TLE3: variants seen among roughly 807,000 people sequenced by gnomAD.
TLE3 encodes the protein transducin-like enhancer protein 3.
Under a neutral mutation model 93.0 loss-of-function variants are expected in TLE3, and 14 were observed. The ratio of observed to expected loss-of-function variants is 0.15; its 90% confidence interval spans 0.10 to 0.24. The LOEUF (loss-of-function observed/expected upper bound fraction) is 0.24, where lower values mean the gene tolerates loss of function less well. TLE3 is among the 10% of genes least tolerant of loss of function. The probability of loss-of-function intolerance (pLI) is 1.00; values close to 1 mark genes in which losing one functional copy is unlikely to be tolerated. For missense variants in TLE3, 693 were observed against 1,046.6 expected (o/e 0.66, Z 4.66); for synonymous variants, 451 against 425.0 (o/e 1.06, Z -0.75).
chr15:70,053,109 C>T, intron 17 of TLE3, 118 bp downstream of exon 17: 1 of 1,368,550 alleles, frequency 7.3e-7, no homozygotes, highest in Non-Finnish European at 9.8e-7. Context: ...AGGTTGGTCC[C>T]AAGTCTCTTG....
At position 70,071,909 on chromosome 15, in the gene TLE3, C is replaced by A. The variant is rs115994420; in HGVS notation, c.372+2624G>T. 8.9e-3 allele frequency among the ~76,000 whole-genome samples: 1,360 copies of A among 152,332 alleles called. 18 individuals are homozygous for A. The highest frequency in any genetic ancestry group is 0.031 in the African/African-American group (1,303 of 41,570). ...CAGAGGCAGCTCAGCTGCAGGCTCG[C>A]TCTCTGCTCTCCTCGAGGAGGAGAT... On this transcript the variant is annotated intron_variant, in intron 6 of 19. Transcript: ENST00000451782.
At chr15:70,079,612 C>A in intron 4 of TLE3, 2 of 345,120 alleles carry the variant, frequency 5.8e-6, no homozygotes, top group Non-Finnish European at 5.7e-6. Flanking sequence ...GAATGGGCTG[C>A]GTGCACTCTG....
intron 3 of TLE3, chr15:70,094,878 C>G (rs2058474247): frequency 3.0e-6 from 1 of 331,528 alleles, no homozygotes; most frequent in African/African-American, 2.1e-5. Flanking sequence ...AACAGGGAAT[C>G]GTGTGTACAC....
rs576376994 is a variant in TLE3 at position 70,096,043 on chromosome 15, C to T, written c.125+118G>A. 1.3e-4 allele frequency: 153 copies of T among 1,182,016 alleles called. No individual in the cohort carries two copies. The African/African-American group carries it at 2.2e-3, about 17-fold the overall frequency. The allele number at this position is 1,182,016 out of a possible 1,614,324, so 73.2% of individuals were successfully genotyped here. On this transcript the variant is annotated intron_variant, in intron 2 of 19. Transcript: ENST00000451782. ...AAAGGGGAAACAAAAGGCGGAGGCC[C>T]GGGCTGCCCCGCCGCCCCTAGGTCG...
intron 9 of TLE3, among the ~76,000 whole-genome samples, chr15:70,059,714 C>A (rs539718244): frequency 6.6e-6 from 1 of 152,340 alleles, no homozygotes; most frequent in East Asian, 1.9e-4. Context: ...CGCACTGACA[C>A]CCGCTCCATC....
intron 4 of TLE3, 60 bp from the exon 5 acceptor site, chr15:70,076,218 A>C: frequency 1.2e-4 from 182 of 1,551,308 alleles, no homozygotes; most frequent in Non-Finnish European, 1.5e-4. Context: ...CTGAAATGTC[A>C]TAGGCAAGTG....
chr15:70,079,444 C>A (rs758022155), intron 4 of TLE3: 2 of 434,720 alleles, frequency 4.6e-6, no homozygotes, highest in South Asian at 3.3e-5. Context: ...CCAACGTAAA[C>A]CCAGCCCCTC....
In TLE3 at chr15:70,074,521, G is replaced by A. The variant is rs776208749; in HGVS notation, c.372+12C>T. ...TACACACGGTAAGAGGCAGATTGGGGAGTCCACGTACCCCGATGATGGCGT... is the reference window on the plus strand; with the variant it reads ...TACACACGGTAAGAGGCAGATTGGGAAGTCCACGTACCCCGATGATGGCGT... On this transcript the variant is annotated intron_variant, in intron 6 of 19. Coordinates refer to ENST00000451782, the MANE Select transcript of TLE3 (RefSeq NM_001105192.3). 1.9e-6 allele frequency: 3 copies of A among 1,609,934 alleles called. No individual in the cohort carries two copies. Among genetic ancestry groups the A allele is most frequent in the Non-Finnish European group, 2.5e-6 (3 of 1,178,104 alleles).
Position 70,055,219 on chromosome 15 carries a change from T to G in TLE3, c.1408A>C (p.Ile470Leu). The G allele has an allele frequency of 1.2e-6, 2 of 1,613,498 alleles. No homozygotes were observed. Among genetic ancestry groups the G allele is most frequent in the Non-Finnish European group, 1.7e-6 (2 of 1,179,748 alleles). Residue 470 changes from isoleucine (I) to leucine (L), a missense_variant, in exon 15 of 20, where the codon ATC (isoleucine) becomes CTC (leucine). Physicochemically the swap from Ile to Leu is conservative, Grantham distance 5 (BLOSUM62 2). This residue lies in a region of TLE3 where 405 missense variants were observed against 468.9 expected (regional missense o/e 0.86). Transcript: ENST00000451782. ...FPHDALAGPG[I>L]PRHARQINTL... is the part of the protein sequence containing the mutation. ...TTGATCTGCCGGGCGTGCCTCGGGA[T>G]GCCGGGGCCTGCCAGGGCGTCGTGG...
At chr15:70,087,760 T>G (rs1196810671) in intron 4 of TLE3, among the ~76,000 whole-genome samples, 2 of 152,232 alleles carry the variant, frequency 1.3e-5, no homozygotes, top group Non-Finnish European at 2.9e-5. Flanking sequence ...CAGGACACAT[T>G]GGCAATGGGA....
At chr15:70,094,970 C>T (rs965879066) in intron 3 of TLE3, among the ~76,000 whole-genome samples, 3 of 152,208 alleles carry the variant, frequency 2.0e-5, no homozygotes, top group African/African-American at 4.8e-5. Context: ...GAGCCGTGCC[C>T]TCTCACAAAT....
chr15:70,056,352 G>A lies in TLE3; in HGVS notation c.1274C>T (p.Pro425Leu), dbSNP rs1304168924. 6 of 1,613,282 alleles carry A rather than the reference G, an allele frequency of 3.7e-6. No homozygotes were observed. The highest frequency in any genetic ancestry group is 5.1e-6 in the Non-Finnish European group (6 of 1,179,756). ...TGAGGGGAGGCCTGTGGCCCGCATC[G>A]GGGGGTGAGGGTCAAAACCAACCTG... The part of the protein sequence containing the change: ...FGAVGFDPHP[P>L]MRATGLPSSL... Residue 425 changes from proline (P) to leucine (L), a missense_variant, in exon 14 of 20, where the codon CCG (proline) becomes CTG (leucine). Pro to Leu is a moderately conservative substitution (Grantham distance 98). Transcript: ENST00000451782.
intron 4 of TLE3, among the ~76,000 whole-genome samples, chr15:70,078,394 CAAACAAAAAT>C (rs905749496): frequency 4.0e-5 from 6 of 149,930 alleles, no homozygotes; most frequent in African/African-American, 1.5e-4. Context: ...AAACAAAAAG[CAAACAAAAAT>C]AAACAAAAAA....
rs2055345941 is a variant in TLE3 at position 70,049,595 on chromosome 15, G to A, written c.*502C>T. ...GAAATACACACTCAGAGTTTCCGGT[G>A]GGAAGGGGCCTCCTCTCCCACTGAT... is the stretch of plus-strand genomic sequence containing the variant. On this transcript the variant is annotated 3_prime_UTR_variant, in exon 20 of 20. Coordinates refer to ENST00000451782, the MANE Select transcript of TLE3 (RefSeq NM_001105192.3). 6.6e-6 allele frequency: 1 copy of A among 151,628 alleles called. No individual in the cohort carries two copies. The highest frequency in any genetic ancestry group is 1.5e-5 in the Non-Finnish European group (1 of 68,104). 9.4% of individuals were successfully genotyped at this position (151,628 alleles called of 1,614,324 possible). A position where few individuals can be genotyped will look rare whatever the true frequency, so the allele number is the denominator to read the frequency against.
chr15:70,060,149 C>T (rs1399285207), intron 9 of TLE3, among the ~76,000 whole-genome samples: 2 of 152,216 alleles, frequency 1.3e-5, no homozygotes, highest in African/African-American at 4.8e-5. Flanking sequence ...TGAGTGCATG[C>T]CTCAGGCCAA....
intron 2 of TLE3, 35 bp downstream of exon 2, chr15:70,096,126 C>T: frequency 6.5e-7 from 1 of 1,538,788 alleles, no homozygotes; most frequent in Non-Finnish European, 8.8e-7. Flanking sequence ...CCCACCCCTC[C>T]CCGCCAGCCC....
At chr15:70,063,372 T>C (rs1485738273) in intron 8 of TLE3, among the ~76,000 whole-genome samples, 1 of 152,214 alleles carries the variant, frequency 6.6e-6, no homozygotes, top group East Asian at 1.9e-4. Context: ...CTCTCTTAGG[T>C]ACCTAGCCAT....
chr15:70,072,065 G>A (rs942118567), intron 6 of TLE3, among the ~76,000 whole-genome samples: 2 of 152,158 alleles, frequency 1.3e-5, no homozygotes, highest in Non-Finnish European at 2.9e-5. Context: ...GCGATTAGAC[G>A]GCTGCCTGCT....
At chr15:70,091,928 A>G (rs1264574479) in intron 4 of TLE3, among the ~76,000 whole-genome samples, 2 of 152,164 alleles carry the variant, frequency 1.3e-5, no homozygotes, top group African/African-American at 4.8e-5. Context: ...CCAAGGTGCT[A>G]GCTCTATAGA....
Sources: gnomAD v4.1 joint callset for allele counts (sites outside exome capture counted in the v4.1 genomes callset) on GRCh38, gnomAD v4.1.1 for gene constraint, gnomAD v4.1.1 regional missense constraint, MANE v1.5 for transcripts, NCBI Gene and HGNC (gene_info 2026-07-23, HGNC 2026-07-21) for gene names.